The following FAM210A variants were observed in gnomAD, a reference collection of about 807,000 sequenced individuals.
FAM210A encodes mitochondrial inner membrane scaffold 1.
In FAM210A, 13 loss-of-function variants were observed where a neutral mutation model predicts 25.3. The ratio of observed to expected loss-of-function variants is 0.51; its 90% confidence interval spans 0.33 to 0.82. The LOEUF (loss-of-function observed/expected upper bound fraction) is 0.82, where lower values mean the gene tolerates loss of function less well. Among genes scored for constraint, FAM210A ranks in the 40% least tolerant of loss-of-function variants. The probability of loss-of-function intolerance (pLI) is 0.02; values close to 1 mark genes in which losing one functional copy is unlikely to be tolerated. For missense variants in FAM210A, 319 were observed against 323.2 expected (o/e 0.99, Z 0.10); for synonymous variants, 125 against 118.7 (o/e 1.05, Z -0.35).
chr18:13,670,040 T>C (rs970753912), intron 3 of FAM210A, among the ~76,000 whole-genome samples: 5 of 152,162 alleles, frequency 3.3e-5, no homozygotes, highest in Non-Finnish European at 7.3e-5. Flanking sequence ...CTCCCTACCA[T>C]GACGCCTACA....
intron 1 of FAM210A, among the ~76,000 whole-genome samples, chr18:13,693,945 CCT>C (rs1200635364): frequency 6.6e-6 from 1 of 152,152 alleles, no homozygotes; most frequent in Non-Finnish European, 1.5e-5. Flanking sequence ...TTAAATTCTC[CCT>C]GTTTGCAGAT....
intron 1 of FAM210A, among the ~76,000 whole-genome samples, chr18:13,689,734 A>G (rs1786549): frequency 0.89 from 135,636 of 152,286 alleles, 60,511 homozygotes; most frequent in East Asian, 0.95. Flanking sequence ...ATTGCATATG[A>G]TATGATTGTT....
intron 1 of FAM210A, among the ~76,000 whole-genome samples, chr18:13,695,608 G>C (rs540414892): frequency 5.3e-5 from 8 of 151,596 alleles, no homozygotes; most frequent in Non-Finnish European, 8.8e-5. Context: ...GTAAACTATT[G>C]CAAGGACAGA....
chr18:13,669,353 G>A (rs1240057787), intron 3 of FAM210A, among the ~76,000 whole-genome samples: 1 of 152,150 alleles, frequency 6.6e-6, no homozygotes, highest in Non-Finnish European at 1.5e-5. Flanking sequence ...GTCCTTTTAA[G>A]GGCCAACAAG....
chr18:13,720,817 G>A (rs1004410404), intron 1 of FAM210A, among the ~76,000 whole-genome samples: 2 of 152,196 alleles, frequency 1.3e-5, no homozygotes, highest in African/African-American at 2.4e-5. Context: ...AGTAGGGTTT[G>A]TTCCTTCAAA....
Position 13,663,484 on chromosome 18 carries a change from A to AT in FAM210A, c.*2995dup, listed in dbSNP as rs1389663233. 1 of 152,152 alleles carries AT rather than the reference A, an allele frequency of 6.6e-6. No individual in the cohort carries two copies. The highest frequency in any genetic ancestry group is 1.5e-5 in the Non-Finnish European group (1 of 68,036). The allele number at this position is 152,152 out of a possible 1,614,324, so 9.4% of individuals were successfully genotyped here. On this transcript the variant is annotated 3_prime_UTR_variant, in exon 4 of 4. Coordinates refer to ENST00000651643, the MANE Select transcript of FAM210A (RefSeq NM_152352.4). Reference sequence around the variant, plus strand: ...ACAAAAGGCTGTCTCAGTGAAATACATTTTTTGATGTGGTTGGTTTTGCTC... The same window carrying AT: ...ACAAAAGGCTGTCTCAGTGAAATACATTTTTTTGATGTGGTTGGTTTTGCTC...
chr18:13,705,663 G>A (rs944342982), intron 1 of FAM210A, among the ~76,000 whole-genome samples: 1 of 152,000 alleles, frequency 6.6e-6, no homozygotes, highest in African/African-American at 2.4e-5. Context: ...GTAGAGACAG[G>A]GTTTCACCAT....
chr18:13,695,482 A>C (rs2043684362), intron 1 of FAM210A, among the ~76,000 whole-genome samples: 1 of 152,240 alleles, frequency 6.6e-6, no homozygotes, highest in Admixed American at 6.5e-5. Flanking sequence ...CATCAACGAT[A>C]GACTGGATTA....
At chr18:13,707,494 C>G (rs755135872) in intron 1 of FAM210A, among the ~76,000 whole-genome samples, 9 of 152,234 alleles carry the variant, frequency 5.9e-5, no homozygotes, top group Non-Finnish European at 1.3e-4. Flanking sequence ...TTGCAAAACT[C>G]AGTTCTACTG....
chr18:13,709,416 C>G (rs1284208), intron 1 of FAM210A, among the ~76,000 whole-genome samples: 83,983 of 152,026 alleles, frequency 0.55, 23,649 homozygotes, highest in East Asian at 0.86. Context: ...GCAGTTCCCT[C>G]TCCTTGGAAC....
chr18:13,694,736 A>G (rs1601955857), intron 1 of FAM210A, among the ~76,000 whole-genome samples: 1 of 152,248 alleles, frequency 6.6e-6, no homozygotes, highest in East Asian at 1.9e-4. Flanking sequence ...TTACAGACTT[A>G]AATGTTAGAC....
At chr18:13,711,349 G>A (rs1216147751) in intron 1 of FAM210A, among the ~76,000 whole-genome samples, 1 of 151,698 alleles carries the variant, frequency 6.6e-6, no homozygotes. Flanking sequence ...CCGGCCTGGG[G>A]AACAGACAGG....
chr18:13,667,580 G>A (rs760698620), intron 3 of FAM210A, among the ~76,000 whole-genome samples: 4 of 152,098 alleles, frequency 2.6e-5, no homozygotes, highest in Non-Finnish European at 4.4e-5. Context: ...TTAGCCGGGC[G>A]TGGTGGCAGG....
chr18:13,700,162 A>C (rs2043727490), intron 1 of FAM210A, among the ~76,000 whole-genome samples: 1 of 152,222 alleles, frequency 6.6e-6, no homozygotes, highest in Non-Finnish European at 1.5e-5. Flanking sequence ...TTCAGATGCA[A>C]ATCACAAGTA....
chr18:13,667,912 C>T (rs1234704870), intron 3 of FAM210A, among the ~76,000 whole-genome samples: 4 of 152,060 alleles, frequency 2.6e-5, no homozygotes, highest in Admixed American at 2.0e-4. Flanking sequence ...AAGAAAAATA[C>T]TTAGCCGGGA....
At chr18:13,669,126 C>T (rs541209937) in intron 3 of FAM210A, among the ~76,000 whole-genome samples, 67 of 152,258 alleles carry the variant, frequency 4.4e-4, no homozygotes, top group Non-Finnish European at 7.6e-4. Context: ...TAAAACGTAT[C>T]GAGAATCCAA....
At chr18:13,675,711 A>T (rs1461397829) in intron 2 of FAM210A, among the ~76,000 whole-genome samples, 16 of 6,230 alleles carry the variant, frequency 2.6e-3, no homozygotes, top group Admixed American at 6.9e-3. Flanking sequence ...CCCCGACTTC[A>T]TTTCCAGTTT....
At chr18:13,667,105 G>A (rs2043407035) in intron 3 of FAM210A, among the ~76,000 whole-genome samples, 1 of 152,210 alleles carries the variant, frequency 6.6e-6, no homozygotes, top group Admixed American at 6.5e-5. Flanking sequence ...CTTTCTATCT[G>A]GAGCTAAACT....
chr18:13,722,296 C>A (rs1298202855), intron 1 of FAM210A, among the ~76,000 whole-genome samples: 1 of 151,324 alleles, frequency 6.6e-6, no homozygotes, highest in Non-Finnish European at 1.5e-5. Context: ...TAGCCCCTGC[C>A]ATCCTAGATC....
Sources: gnomAD v4.1 joint callset for allele counts (sites outside exome capture counted in the v4.1 genomes callset) on GRCh38, gnomAD v4.1.1 for gene constraint, MANE v1.5 for transcripts, NCBI Gene and HGNC (gene_info 2026-07-23, HGNC 2026-07-21) for gene names.